GATAD2A: variants seen among roughly 807,000 people sequenced by gnomAD.
GATAD2A encodes the protein GATA zinc finger domain containing 2A.
A neutral mutation model predicts 68.5 loss-of-function variants in GATAD2A; 12 were observed. The observed-to-expected ratio is 0.18, with a 90% CI of 0.11 to 0.28. The LOEUF is 0.28. Ranked by LOEUF, GATAD2A falls within the 10% of genes least tolerant of loss-of-function variation. The pLI is 1.00. For synonymous variants in GATAD2A, 410 were observed against 375.3 expected (o/e 1.09, Z -1.07); for missense variants, 755 against 868.5 (o/e 0.87, Z 1.64).
chr19:19,395,542 A>G (rs2049165976), intron 1 of GATAD2A, among the ~76,000 whole-genome samples: 1 of 152,150 alleles, frequency 6.6e-6, no homozygotes, highest in African/African-American at 2.4e-5. Context: ...GTGGACCTGT[A>G]CTTGCCAGTT....
chr19:19,439,532 AG>A (rs910844550), intron 1 of GATAD2A, among the ~76,000 whole-genome samples: 90 of 152,214 alleles, frequency 5.9e-4, no homozygotes, highest in African/African-American at 2.2e-3. Flanking sequence ...AACTTCTCTC[AG>A]GGGTATTTGC....
At chr19:19,495,929 A>T (rs754036992) in intron 6 of GATAD2A, 44 bp downstream of exon 6, 1 of 1,598,972 alleles carries the variant, frequency 6.3e-7, no homozygotes, top group East Asian at 2.2e-5. Flanking sequence ...CAGCCTCAGC[A>T]GTCGTCTACC....
chr19:19,413,775 G>C (rs1159921525), intron 1 of GATAD2A, among the ~76,000 whole-genome samples: 4 of 152,032 alleles, frequency 2.6e-5, no homozygotes, highest in Non-Finnish European at 5.9e-5. Flanking sequence ...AGTAGAGATG[G>C]GGTTTCGTCA....
At chr19:19,481,207 T>C (rs191063744) in intron 2 of GATAD2A, among the ~76,000 whole-genome samples, 31 of 152,186 alleles carry the variant, frequency 2.0e-4, no homozygotes, top group East Asian at 1.7e-3. Flanking sequence ...CTCCTCCTCT[T>C]TGTCCTTTAC....
At chr19:19,471,845 C>T (rs1482909049) in intron 2 of GATAD2A, among the ~76,000 whole-genome samples, 1 of 151,812 alleles carries the variant, frequency 6.6e-6, no homozygotes, top group African/African-American at 2.4e-5. Flanking sequence ...TGCCCCTATG[C>T]CGAGTCTGGA....
intron 2 of GATAD2A, among the ~76,000 whole-genome samples, chr19:19,484,834 G>A (rs2059326468): frequency 6.6e-6 from 1 of 152,164 alleles, no homozygotes; most frequent in African/African-American, 2.4e-5. Context: ...CGCCCAGCCT[G>A]TCATAGGATT....
Position 19,502,362 on chromosome 19 carries a change from C to T in GATAD2A, c.1610C>T (p.Thr537Met), listed in dbSNP as rs751116404. The T allele has an allele frequency of 2.4e-5, 38 of 1,612,612 alleles. No individual in the cohort carries two copies. The highest frequency in any genetic ancestry group is 2.7e-5 in the African/African-American group (2 of 74,918). ...ASSQLSRGSA[T>M]TPRGVLHTFS... The stretch of plus-strand genomic sequence containing the variant: ...AGCCAGCTGTCCCGGGGTTCGGCCA[C>T]GACGCCCCGAGGTGTCCTGCACACG... Residue 537 changes from threonine to methionine, a missense_variant, in exon 11 of 12, where the codon ACG becomes ATG. Coordinates refer to ENST00000683918, the MANE Select transcript of GATAD2A (RefSeq NM_001384528.1).
At chr19:19,401,139 CA>C (rs750599017), upstream of GATAD2A, among the ~76,000 whole-genome samples, 244 of 42,528 alleles carry the variant, frequency 5.7e-3, no homozygotes, top group South Asian at 0.061. Context: ...GACTCTGTCT[CA>C]AAAAAAAAAA....
At chr19:19,386,010 C>CGCCGCCGCCACAGCG (rs1181118105) in exon 1 of GATAD2A, 2 of 151,166 alleles carry the variant, frequency 1.3e-5, no homozygotes, top group Admixed American at 6.6e-5. Flanking sequence ...TCGCCGCTGC[C>CGCCGCCGCCACAGCG]GCCGCCGCCA....
chr19:19,497,629 C>T (rs1489792124), intron 7 of GATAD2A, among the ~76,000 whole-genome samples: 1 of 152,110 alleles, frequency 6.6e-6, no homozygotes, highest in Non-Finnish European at 1.5e-5. Flanking sequence ...GGGGGTGGGA[C>T]CCTGGGAAGG....
intron 8 of GATAD2A, 26 bp from the exon 9 acceptor site, chr19:19,501,092 G>A (rs372290928): frequency 6.3e-5 from 100 of 1,595,770 alleles, no homozygotes; most frequent in Admixed American, 5.1e-5. Flanking sequence ...GCCCTCTGAC[G>A]TGAGCCATGT....
At chr19:19,473,275 A>T (rs1226631317) in intron 2 of GATAD2A, among the ~76,000 whole-genome samples, 1 of 152,000 alleles carries the variant, frequency 6.6e-6, no homozygotes, top group African/African-American at 2.4e-5. Flanking sequence ...GCAGGCTGGG[A>T]TGTGTGTTCC....
rs71338325 is a variant in GATAD2A at position 19,495,634 on chromosome 19, T to TTA, written c.625-120_625-119insTA. On this transcript the variant is annotated intron_variant, in intron 5 of 11. Coordinates refer to ENST00000683918, the MANE Select transcript of GATAD2A (RefSeq NM_001384528.1). ...AATTTTCTTTAACTTCTCTGCTACT[T>TTA]AAAAAAAAAAAAAAAAAAAAACTAG... 63 of 547,234 alleles carry TTA rather than the reference T, an allele frequency of 1.2e-4. No homozygotes were observed. The African/African-American group carries it at 1.3e-3, about 12-fold the overall frequency. 33.9% of individuals were successfully genotyped at this position (547,234 alleles called of 1,614,324 possible). A position where few individuals can be genotyped will look rare whatever the true frequency, so the allele number is the denominator to read the frequency against.
chr19:19,474,225 T>G, intron 2 of GATAD2A: 14 of 834,292 alleles, frequency 1.7e-5, no homozygotes, highest in East Asian at 2.5e-4. Context: ...GAGGGTGAGG[T>G]CGACACTGGA....
chr19:19,491,431 G>C (rs1729940284), intron 2 of GATAD2A, among the ~76,000 whole-genome samples: 1 of 152,182 alleles, frequency 6.6e-6, no homozygotes, highest in Non-Finnish European at 1.5e-5. Context: ...TCATTAGAAA[G>C]AAAAAGGTGT....
intron 2 of GATAD2A, among the ~76,000 whole-genome samples, chr19:19,485,837 A>G (rs985836430): frequency 2.6e-5 from 4 of 152,150 alleles, no homozygotes; most frequent in Non-Finnish European, 5.9e-5. Flanking sequence ...CATATCCACA[A>G]AAGCGCTTGG....
At chr19:19,404,953 T>G (rs1000080789), upstream of GATAD2A, among the ~76,000 whole-genome samples, 2 of 152,190 alleles carry the variant, frequency 1.3e-5, no homozygotes, top group African/African-American at 4.8e-5. Flanking sequence ...CTATTGAAAT[T>G]GTATTTCGCT....
At chr19:19,419,461 G>A (rs2916074) in intron 1 of GATAD2A, among the ~76,000 whole-genome samples, 65,350 of 150,364 alleles carry the variant, frequency 0.43, 15,532 homozygotes, top group African/African-American at 0.63. Flanking sequence ...TTAGGTTAAC[G>A]TGCACTTAGA....
chr19:19,458,497 A>C (rs1353865526), intron 1 of GATAD2A: 1 of 152,208 alleles, frequency 6.6e-6, no homozygotes, highest in Non-Finnish European at 1.5e-5. Context: ...TTTGCTCTAC[A>C]CTGAAAATGA....
Sources: allele counts gnomAD v4.1 joint callset (sites outside exome capture counted in the v4.1 genomes callset), GRCh38; gene constraint gnomAD v4.1.1; transcripts MANE v1.5; gene names NCBI Gene and HGNC (gene_info 2026-07-23, HGNC 2026-07-21).